DYM: variants seen among roughly 807,000 people sequenced by gnomAD.
The protein encoded by DYM is dymeclin.
A neutral mutation model predicts 93.1 loss-of-function variants in DYM; 78 were observed. The ratio of observed to expected loss-of-function variants is 0.84; its 90% CI spans 0.70 to 1.01. DYM has a LOEUF of 1.01. Among genes scored for constraint, DYM ranks in the 50% least tolerant of loss-of-function variants. DYM has a pLI of 0.00. For synonymous variants in DYM, 321 were observed against 319.7 expected (o/e 1.00, Z -0.04); for missense variants, 789 against 845.0 (o/e 0.93, Z 0.82).
At chr18:49,384,599 T>TGG (rs2068394454) in intron 3 of DYM, among the ~76,000 whole-genome samples, 1 of 118,644 alleles carries the variant, frequency 8.4e-6, no homozygotes, top group Admixed American at 1.0e-4. Context: ...CACTCCAGCC[T>TGG]GGGAGACACA....
chr18:49,379,531 C>CT (rs1376102491), intron 4 of DYM, 134 bp downstream of exon 4: 5 of 802,130 alleles, frequency 6.2e-6, no homozygotes, highest in Admixed American at 4.8e-5. Flanking sequence ...ACCTCTCTAC[C>CT]TTTTTTTCTT....
intron 13 of DYM, among the ~76,000 whole-genome samples, chr18:49,223,760 A>G (rs1309883015): frequency 6.6e-6 from 1 of 152,100 alleles, no homozygotes; most frequent in Non-Finnish European, 1.5e-5. Flanking sequence ...GACTAAAGAT[A>G]AGCAGGAAAA....
chr18:49,417,556 C>T (rs1282760525), intron 2 of DYM, among the ~76,000 whole-genome samples: 1 of 151,738 alleles, frequency 6.6e-6, no homozygotes, highest in East Asian at 1.9e-4. Flanking sequence ...TATATATGCC[C>T]CCCCATTAAA....
intron 8 of DYM, among the ~76,000 whole-genome samples, chr18:49,289,788 TACACAC>T (rs1555678795): frequency 3.0e-4 from 12 of 40,148 alleles, no homozygotes; most frequent in South Asian, 2.5e-3. Context: ...TATATATATA[TACACAC>T]ATATATATAT....
intron 11 of DYM, among the ~76,000 whole-genome samples, chr18:49,265,264 G>A (rs1327148019): frequency 6.6e-6 from 1 of 152,270 alleles, no homozygotes; most frequent in African/African-American, 2.4e-5. Flanking sequence ...GTACATGTGT[G>A]ACTGAATCCT....
Position 49,107,124 on chromosome 18 carries a change from T to C in DYM, c.1912-9609A>G, listed in dbSNP as rs181484041. Among the ~76,000 whole-genome samples the C allele has an allele frequency of 1.4e-3, 211 of 151,760 alleles. 1 individual carries two copies. The highest frequency in any genetic ancestry group is 5.1e-3 in the African/African-American group (208 of 41,032). ...TCATTTCTTTTTATTCTTTTTTCTC[T>C]AAACTTCTCTTCTCGCTTCATTTCA... On this transcript the variant is annotated intron_variant, in intron 16 of 17. Transcript: ENST00000675505.
chr18:49,441,172 T>C (rs2081481327), intron 1 of DYM, among the ~76,000 whole-genome samples: 1 of 27,730 alleles, frequency 3.6e-5, no homozygotes, highest in African/African-American at 1.3e-4. Context: ...ATATATTATA[T>C]AATTATATAT....
chr18:49,099,412 A>G (rs2079899470), intron 16 of DYM, among the ~76,000 whole-genome samples: 1 of 152,202 alleles, frequency 6.6e-6, no homozygotes, highest in African/African-American at 2.4e-5. Flanking sequence ...TTTGATGATC[A>G]GTCAGAATCC....
intron 1 of DYM, among the ~76,000 whole-genome samples, chr18:49,444,868 T>A (rs1389909084): frequency 6.6e-6 from 1 of 152,174 alleles, no homozygotes; most frequent in African/African-American, 2.4e-5. Context: ...TTTGGCAGTA[T>A]CTAAGAAGAC....
intron 14 of DYM, among the ~76,000 whole-genome samples, chr18:49,207,577 A>G (rs1033428782): frequency 3.3e-5 from 5 of 152,212 alleles, no homozygotes; most frequent in African/African-American, 4.8e-5. Context: ...AATAGGACTC[A>G]CCCAATCAGC....
chr18:49,236,665 A>C (rs571545891), intron 13 of DYM, among the ~76,000 whole-genome samples: 53 of 152,330 alleles, frequency 3.5e-4, no homozygotes, highest in Admixed American at 9.1e-4. Context: ...AGAGCCAATT[A>C]ACAATGGGAA....
chr18:49,315,510 C>T (rs1039044482), intron 8 of DYM, among the ~76,000 whole-genome samples: 11 of 152,162 alleles, frequency 7.2e-5, no homozygotes, highest in African/African-American at 2.7e-4. Context: ...AGAGAAGTCA[C>T]CTCTTTCCAC....
At chr18:49,215,516 C>T (rs967448020) in intron 13 of DYM, among the ~76,000 whole-genome samples, 3 of 152,132 alleles carry the variant, frequency 2.0e-5, no homozygotes, top group African/African-American at 7.2e-5. Context: ...CAGGATAAAC[C>T]ACTCGTATCA....
intron 8 of DYM, among the ~76,000 whole-genome samples, chr18:49,315,559 G>C (rs1170649234): frequency 6.6e-6 from 1 of 152,124 alleles, no homozygotes; most frequent in East Asian, 1.9e-4. Flanking sequence ...AACATTTATG[G>C]TCTGATTACT....
chr18:49,119,859 G>A (rs1000029197), intron 15 of DYM, among the ~76,000 whole-genome samples: 1 of 152,000 alleles, frequency 6.6e-6, no homozygotes, highest in African/African-American at 2.4e-5. Flanking sequence ...AGGCCAAGGT[G>A]GGCAGATCAC....
chr18:49,045,056 G>C (rs1381472271), intron 17 of DYM, among the ~76,000 whole-genome samples: 1 of 152,254 alleles, frequency 6.6e-6, no homozygotes, highest in African/African-American at 2.4e-5. Context: ...TTGAGGAGTG[G>C]CTAGAGTCTA....
At chr18:49,289,583 T>C (rs563135701) in intron 8 of DYM, among the ~76,000 whole-genome samples, 12 of 149,362 alleles carry the variant, frequency 8.0e-5, no homozygotes, top group African/African-American at 2.7e-4. Context: ...TGGTGGTTCA[T>C]GCTTGTAGTC....
chr18:49,121,061 T>C (rs1019799521), intron 15 of DYM, among the ~76,000 whole-genome samples: 6 of 152,192 alleles, frequency 3.9e-5, no homozygotes, highest in Non-Finnish European at 7.3e-5. Flanking sequence ...AAAGAATCCA[T>C]GTTGAACAAA....
At chr18:49,241,836 T>C (rs955745293) in intron 13 of DYM, among the ~76,000 whole-genome samples, 2 of 152,226 alleles carry the variant, frequency 1.3e-5, no homozygotes, top group Non-Finnish European at 2.9e-5. Flanking sequence ...TATTTCGAAT[T>C]TTTCAAATTA....
Sources: gnomAD v4.1 joint callset for allele counts (sites outside exome capture counted in the v4.1 genomes callset) on GRCh38, gnomAD v4.1.1 for gene constraint, MANE v1.5 for transcripts, NCBI Gene and HGNC (gene_info 2026-07-23, HGNC 2026-07-21) for gene names.